FBLN5: variants seen among roughly 807,000 people sequenced by gnomAD.
The protein encoded by FBLN5 is fibulin 5.
Under a neutral mutation model 61.6 loss-of-function variants are expected in FBLN5, and 24 were observed. The observed-to-expected ratio is 0.39, with a 90% CI of 0.28 to 0.55. The LOEUF is 0.55. Ranked by LOEUF, FBLN5 falls within the 20% of genes least tolerant of loss-of-function variation. FBLN5 has a pLI of 0.65. For missense variants in FBLN5, 470 were observed against 594.1 expected, an observed-to-expected ratio of 0.79 and a Z score of 2.17; for synonymous variants, 213 against 219.8, an observed-to-expected ratio of 0.97 and a Z score of 0.27.
chr14:91,875,325 A>G (rs993544051), intron 10 of FBLN5, among the ~76,000 whole-genome samples: 4 of 152,122 alleles, frequency 2.6e-5, no homozygotes, highest in Admixed American at 2.6e-4. Flanking sequence ...GGGGAATGCA[A>G]GGAGCTGATG....
At chr14:91,880,747 C>T (rs993078794) in intron 9 of FBLN5, among the ~76,000 whole-genome samples, 2 of 152,046 alleles carry the variant, frequency 1.3e-5, no homozygotes, top group African/African-American at 2.4e-5. Context: ...GATGGGGTTT[C>T]ACCATGTTGG....
rs1282974449 is a variant in FBLN5 at position 91,940,614 on chromosome 14, T to C, written c.75A>G (p.Ala25=). 2 of 1,613,970 alleles carry C rather than the reference T, an allele frequency of 1.2e-6. No individual in the cohort carries two copies. Among genetic ancestry groups the C allele is most frequent in the Non-Finnish European group, 8.5e-7 (1 of 1,179,874 alleles). ...CCAGGTCAAAGCCATTCGTGCACTG[T>C]GCCTGCAGGGAAGGAGAGAGGAGAA... ...LCLPSPGNAQ[A]QCTNGFDLDR... Residue 25 remains alanine (A), a splice_region_variant and synonymous_variant, in exon 3 of 11, where the codon GCA becomes GCG. Transcript: ENST00000342058.
At chr14:91,894,402 CAAAAAAAAAA>C (rs58035118) in intron 5 of FBLN5, among the ~76,000 whole-genome samples, 1 of 34,410 alleles carries the variant, frequency 2.9e-5, no homozygotes, top group East Asian at 1.3e-3. Flanking sequence ...GACACCATAT[CAAAAAAAAAA>C]AAAAAAAAAA....
At chr14:91,920,765 C>G (rs778098040) in intron 4 of FBLN5, among the ~76,000 whole-genome samples, 3 of 152,216 alleles carry the variant, frequency 2.0e-5, no homozygotes, top group Non-Finnish European at 4.4e-5. Flanking sequence ...TACTCCATTG[C>G]CTGTGGCCCC....
In FBLN5 at chr14:91,881,388, G is replaced by T; in HGVS notation, c.893C>A (p.Thr298Lys). ...GTAGCACGTCTGCTGCAGGTTGCAC[G>T]TGTGGTTCCTGTGCTCACATTCGTT... The part of the protein sequence containing the change: ...DINECEHRNH[T>K]CNLQQTCYNL... Residue 298 changes from threonine to lysine, a missense_variant, in exon 9 of 11, where the codon ACG (threonine) becomes AAG (lysine). Coordinates refer to ENST00000342058, the MANE Select transcript of FBLN5 (RefSeq NM_006329.4). The T allele has an allele frequency of 1.2e-6, 2 of 1,614,148 alleles. No individual in the cohort carries two copies. The highest frequency in any genetic ancestry group is 1.7e-6 in the Non-Finnish European group (2 of 1,179,982).
In FBLN5 at chr14:91,931,297, T is replaced by A. The variant is rs565900753; in HGVS notation, c.379+5650A>T. Among the ~76,000 whole-genome samples, 3 of 152,282 alleles carry A rather than the reference T, an allele frequency of 2.0e-5. No homozygotes were observed. In the South Asian group the frequency reaches 6.2e-4, roughly 32 times the overall value. On this transcript the variant is annotated intron_variant, in intron 4 of 10. Transcript: ENST00000342058. ...CTGCTTGTGCTTGTGTTGCGTTTAA[T>A]CTCCCTTCCTTGTCCACAAGCTCTA...
At chr14:91,875,592 G>A (rs1049640757) in intron 10 of FBLN5, among the ~76,000 whole-genome samples, 2 of 152,192 alleles carry the variant, frequency 1.3e-5, no homozygotes, top group African/African-American at 4.8e-5. Context: ...CTGCTCCTGA[G>A]GGAATACCAA....
rs1480115821 is a variant in FBLN5, at chr14:91,942,938, G to A, written c.41C>T (p.Ala14Val). The A allele has an allele frequency of 1.9e-6, 3 of 1,550,316 alleles. No homozygotes were observed. The Admixed American group carries it at 5.9e-5, about 30-fold the overall frequency. ...ATTCCCAGGGCTTGGAAGACAGAGA[G>A]CCAGAATGGTAACAGTGAGTATCCT... is the stretch of plus-strand genomic sequence containing the variant. Reference protein sequence around the residue: ...IKRILTVTILALCLPSPGNAQ... With the variant: ...IKRILTVTILVLCLPSPGNAQ... Residue 14 changes from alanine (A) to valine (V), a missense_variant, in exon 2 of 11, where the codon GCT (alanine) becomes GTT (valine). By Grantham distance (64) the Ala-to-Val change is moderately conservative (BLOSUM62 0). Coordinates refer to ENST00000342058, the MANE Select transcript of FBLN5 (RefSeq NM_006329.4).
At chr14:91,888,515 A>G (rs1889834981) in intron 6 of FBLN5, among the ~76,000 whole-genome samples, 1 of 151,088 alleles carries the variant, frequency 6.6e-6, no homozygotes, top group African/African-American at 2.4e-5. Flanking sequence ...AGGCTGAGAC[A>G]AGGGAATCGC....
chr14:91,922,924 A>T (rs1460284023), intron 4 of FBLN5, among the ~76,000 whole-genome samples: 1 of 152,010 alleles, frequency 6.6e-6, no homozygotes. Flanking sequence ...CCTAAAGGAG[A>T]CTTTGACCAG....
chr14:91,924,750 C>T (rs2055798133), intron 4 of FBLN5, among the ~76,000 whole-genome samples: 1 of 152,074 alleles, frequency 6.6e-6, no homozygotes, highest in Non-Finnish European at 1.5e-5. Flanking sequence ...GTGTATTTAT[C>T]ACAGCTATGG....
chr14:91,880,322 C>T (rs1258432977), intron 9 of FBLN5, among the ~76,000 whole-genome samples: 2 of 152,304 alleles, frequency 1.3e-5, no homozygotes, highest in South Asian at 2.1e-4. Context: ...CACACTTTAA[C>T]GAGATCACCA....
chr14:91,931,010 T>A (rs1382125081), intron 4 of FBLN5, among the ~76,000 whole-genome samples: 1 of 152,222 alleles, frequency 6.6e-6, no homozygotes, highest in African/African-American at 2.4e-5. Context: ...TCTTTCCCAG[T>A]TAACGTTTAC....
rs1312386442 is a variant in FBLN5, at chr14:91,939,543, T to C, written c.124+1022A>G. On this transcript the variant is annotated intron_variant, in intron 3 of 10. Transcript: ENST00000342058. ...TTTTAGTAGAGACAGGGTTTCACCA[T>C]GTTGGCCAGGCTGGTCTCGCACTCC... 2.6e-5 allele frequency among the ~76,000 whole-genome samples: 4 copies of C among 152,158 alleles called. No homozygotes were observed. The South Asian group carries it at 8.3e-4, about 32-fold the overall frequency.
rs1889374990 is a variant in FBLN5, at chr14:91,880,509, CTGTGGGAG to C, written c.989+775_989+782del. On this transcript the variant is annotated intron_variant, in intron 9 of 10. Transcript: ENST00000342058. ...ATGAGTAGCGGAGTGATAGAGAACT[CTGTGGGAG>C]TGTGCGTGCGTGTGTGTGTGTGTGT... Among the ~76,000 whole-genome samples the C allele has an allele frequency of 7.7e-5, 11 of 143,636 alleles. No individual in the cohort carries two copies. The South Asian group carries it at 2.1e-3, about 28-fold the overall frequency. The allele number at this position is 143,636 out of a possible 152,430, so 94.2% of individuals were successfully genotyped here. A position where few individuals can be genotyped will look rare whatever the true frequency, so the allele number is the denominator to read the frequency against.
intron 4 of FBLN5, among the ~76,000 whole-genome samples, chr14:91,909,657 C>G (rs531416122): frequency 2.4e-4 from 37 of 152,262 alleles, no homozygotes; most frequent in Admixed American, 7.8e-4. Flanking sequence ...TGCTTTCTGG[C>G]CACATGATGC....
chr14:91,878,068 G>A (rs1889256927), intron 9 of FBLN5: 1 of 413,084 alleles, frequency 2.4e-6, no homozygotes, highest in Non-Finnish European at 4.6e-6. Context: ...AAGGAAGAAA[G>A]AAAGAAATTT....
chr14:91,884,428 T>A (rs1054048678), intron 7 of FBLN5, among the ~76,000 whole-genome samples: 2 of 152,224 alleles, frequency 1.3e-5, no homozygotes, highest in Non-Finnish European at 2.9e-5. Context: ...AGTAGAGTAG[T>A]AGTGATGTCT....
At position 91,946,749 on chromosome 14, in the gene FBLN5, G is replaced by C. The variant is rs1204820373; in HGVS notation, c.17+464C>G. On this transcript the variant is annotated intron_variant, in intron 1 of 10. Transcript: ENST00000342058. ...TGCAGTTCCCACTTCTCATTGGCTT[G>C]AAACTTCTGTGAGAATCCCACACAA... The C allele has an allele frequency of 1.3e-5, 20 of 1,535,956 alleles. 1 individual carries two copies. The highest frequency in any genetic ancestry group is 1.2e-4 in the East Asian group (5 of 40,924).
Sources: allele counts gnomAD v4.1 joint callset (sites outside exome capture counted in the v4.1 genomes callset), GRCh38; gene constraint gnomAD v4.1.1; transcripts MANE v1.5; gene names NCBI Gene and HGNC (gene_info 2026-07-23, HGNC 2026-07-21).